Variants in TMEM192 observed in about 807,000 individuals in gnomAD.
The protein encoded by TMEM192 is transmembrane protein 192.
In TMEM192, 20 loss-of-function variants were observed where a neutral mutation model predicts 26.7. The ratio of observed to expected loss-of-function variants is 0.75; its 90% CI spans 0.53 to 1.09. The LOEUF (loss-of-function observed/expected upper bound fraction) is 1.09, where lower values mean the gene tolerates loss of function less well. Ranked by LOEUF, TMEM192 falls within the 50% of genes least tolerant of loss-of-function variation. The pLI is 0.00. For synonymous variants in TMEM192, 124 were observed against 121.0 expected, an observed-to-expected ratio of 1.02 and a Z score of -0.16; for missense variants, 304 against 322.6, an observed-to-expected ratio of 0.94 and a Z score of 0.44.
At chr4:165,089,498 T>C (rs1421011974) in intron 3 of TMEM192, among the ~76,000 whole-genome samples, 1 of 152,068 alleles carries the variant, frequency 6.6e-6, no homozygotes, top group African/African-American at 2.4e-5. Context: ...ATTTTTAAAA[T>C]ATTTTTAGTA....
chr4:165,092,267 A>G (rs10776540), intron 3 of TMEM192, among the ~76,000 whole-genome samples: 131,031 of 151,970 alleles, frequency 0.86, 57,153 homozygotes, highest in East Asian at 0.97. Context: ...GATTACTGGC[A>G]TGTGCCATCA....
rs562120456 is a variant in TMEM192, at chr4:165,073,840, T to C, written c.*5818A>G. ...CGGACACAGTACCTTTCCTTGAACTTATTCATGATACAGATTCCTTTGCTC... is the reference window on the plus strand; with the variant it reads ...CGGACACAGTACCTTTCCTTGAACTCATTCATGATACAGATTCCTTTGCTC... On this transcript the variant is annotated 3_prime_UTR_variant, in exon 6 of 6. Coordinates refer to ENST00000306480, the MANE Select transcript of TMEM192 (RefSeq NM_001100389.2). 4 of 152,318 alleles carry C rather than the reference T, an allele frequency of 2.6e-5. No homozygotes were observed. Among genetic ancestry groups the C allele is most frequent in the African/African-American group, 9.6e-5 (4 of 41,580 alleles). The allele number at this position is 152,318 out of a possible 1,614,324, so 9.4% of individuals were successfully genotyped here.
chr4:165,090,731 C>G (rs941699271), intron 3 of TMEM192, among the ~76,000 whole-genome samples: 8 of 151,438 alleles, frequency 5.3e-5, no homozygotes, highest in Non-Finnish European at 1.0e-4. Context: ...ATGGCGAAAC[C>G]CTGTCTCCAC....
chr4:165,094,375 A>G (rs1734843109), intron 3 of TMEM192, among the ~76,000 whole-genome samples: 2 of 152,208 alleles, frequency 1.3e-5, no homozygotes, highest in Admixed American at 6.6e-5. Context: ...AACCATAGAC[A>G]TAGTCTAAGT....
chr4:165,093,342 G>A (rs1302657189), intron 3 of TMEM192, among the ~76,000 whole-genome samples: 4 of 151,792 alleles, frequency 2.6e-5, no homozygotes, highest in South Asian at 2.1e-4. Context: ...TGATTCACCC[G>A]CCTCGGCCTC....
At chr4:165,101,661 C>T (rs1247039003) in intron 2 of TMEM192, among the ~76,000 whole-genome samples, 1 of 152,186 alleles carries the variant, frequency 6.6e-6, no homozygotes, top group Non-Finnish European at 1.5e-5. Flanking sequence ...GCCACCCCTG[C>T]ACATGGTGGT....
rs1257534246 is a variant in TMEM192 at position 165,077,954 on chromosome 4, C to T, written c.*1704G>A. 1.3e-4 allele frequency: 18 copies of T among 143,576 alleles called. No individual in the cohort carries two copies. In the East Asian group the frequency reaches 3.6e-3, roughly 29 times the overall value. 8.9% of individuals were successfully genotyped at this position (143,576 alleles called of 1,614,324 possible). A position where few individuals can be genotyped will look rare whatever the true frequency, so the allele number is the denominator to read the frequency against. The stretch of plus-strand genomic sequence containing the variant: ...ATCTTTTTTTTTTTTTTTTGAGAGA[C>T]AGTGTCTCATTGTTGCCCAGGCTGG... On this transcript the variant is annotated 3_prime_UTR_variant, in exon 6 of 6. Coordinates refer to ENST00000306480, the MANE Select transcript of TMEM192 (RefSeq NM_001100389.2).
chr4:165,073,902 C>T lies in TMEM192; in HGVS notation c.*5756G>A, dbSNP rs1016636767. The T allele has an allele frequency of 6.6e-6, 1 of 152,082 alleles. No individual in the cohort carries two copies. The highest frequency in any genetic ancestry group is 2.4e-5 in the African/African-American group (1 of 41,380). The allele number at this position is 152,082 out of a possible 1,614,324, so 9.4% of individuals were successfully genotyped here. A position where few individuals can be genotyped will look rare whatever the true frequency, so the allele number is the denominator to read the frequency against. ...CTGACCTTCTCCCCACCTGTTGCCC[C>T]GCTACACTCCCCTCGTCAAGATATT... On this transcript the variant is annotated 3_prime_UTR_variant, in exon 6 of 6. Transcript: ENST00000306480.
intron 1 of TMEM192, among the ~76,000 whole-genome samples, chr4:165,112,277 C>T (rs1272483846): frequency 6.6e-6 from 1 of 152,206 alleles, no homozygotes; most frequent in Non-Finnish European, 1.5e-5. Flanking sequence ...AAGTCCACAG[C>T]CTCTAGAGCC....
In TMEM192 at chr4:165,071,204, G is replaced by A. The variant is rs1055261945; in HGVS notation, c.*8454C>T. On this transcript the variant is annotated 3_prime_UTR_variant, in exon 6 of 6. Coordinates refer to ENST00000306480, the MANE Select transcript of TMEM192 (RefSeq NM_001100389.2). ...TTAATAACAAAATAGAATAATTATA[G>A]CAATATACTATAATAAAAGTTACGT... 3.3e-5 allele frequency: 5 copies of A among 152,010 alleles called. No individual in the cohort carries two copies. The Middle Eastern group carries it at 0.014, about 416-fold the overall frequency. 9.4% of individuals were successfully genotyped at this position (152,010 alleles called of 1,614,324 possible). A position where few individuals can be genotyped will look rare whatever the true frequency, so the allele number is the denominator to read the frequency against.
chr4:165,079,488 G>T lies in TMEM192; in HGVS notation c.*170C>A. The T allele has an allele frequency of 1.6e-6, 1 of 613,668 alleles. No homozygotes were observed. Among genetic ancestry groups the T allele is most frequent in the Non-Finnish European group, 2.6e-6 (1 of 379,834 alleles). 38.0% of individuals were successfully genotyped at this position (613,668 alleles called of 1,614,324 possible). On this transcript the variant is annotated 3_prime_UTR_variant, in exon 6 of 6. Coordinates refer to ENST00000306480, the MANE Select transcript of TMEM192 (RefSeq NM_001100389.2). ...CAGGTACTTTTCAAGTGACCCACAA[G>T]CCCTATATTTTAAACAGCCACAGAA...
intron 4 of TMEM192, among the ~76,000 whole-genome samples, chr4:165,086,338 G>A (rs920991172): frequency 2.0e-5 from 3 of 152,098 alleles, no homozygotes; most frequent in African/African-American, 7.2e-5. Flanking sequence ...GGGTGTGAGG[G>A]TGTATGGACA....
chr4:165,112,459 G>A (rs1392344924), intron 1 of TMEM192, among the ~76,000 whole-genome samples: 1 of 152,222 alleles, frequency 6.6e-6, no homozygotes, highest in Non-Finnish European at 1.5e-5. Context: ...CCGCACGTGG[G>A]CTGGGCGCCA....
At chr4:165,088,651 T>C (rs1734682646) in intron 3 of TMEM192, 49 bp from the exon 4 acceptor site, 2 of 1,553,404 alleles carry the variant, frequency 1.3e-6, no homozygotes, top group Non-Finnish European at 1.7e-6. Context: ...AATACATATA[T>C]GGTCTTTGTC....
In TMEM192 at chr4:165,085,602, A is replaced by T; in HGVS notation, c.661T>A (p.Ser221Thr). 1 of 1,610,642 alleles carries T rather than the reference A, an allele frequency of 6.2e-7. No homozygotes were observed. Among genetic ancestry groups the T allele is most frequent in the Non-Finnish European group, 8.5e-7 (1 of 1,178,608 alleles). Residue 221 changes from serine to threonine, a missense_variant, in exon 5 of 6, where the codon TCG becomes ACG. Coordinates refer to ENST00000306480, the MANE Select transcript of TMEM192 (RefSeq NM_001100389.2). The part of the protein sequence containing the change: ...KIYAYPSNIT[S>T]ETGFRTISSL... ...AAATCTTACCTGAATCCAGTCTCCG[A>T]GGTAATATTGCTGGGGTAAGCATAG...
intron 4 of TMEM192, 101 bp downstream of exon 4, chr4:165,088,367 T>A: frequency 1.6e-6 from 2 of 1,221,206 alleles, no homozygotes; most frequent in Non-Finnish European, 2.3e-6. Context: ...ACCACTCAGA[T>A]ACACAGAGAA....
Position 165,079,443 on chromosome 4 carries a change from TCAAGTTATCCGGG to T in TMEM192, c.*202_*214del. The stretch of plus-strand genomic sequence containing the variant: ...CCAAAAGTACAAACAGACATTCCCC[TCAAGTTATCCGGG>T]CTTCTACAGGTACTTTTCAAGTGAC... On this transcript the variant is annotated 3_prime_UTR_variant, in exon 6 of 6. Coordinates refer to ENST00000306480, the MANE Select transcript of TMEM192 (RefSeq NM_001100389.2). 1 of 463,748 alleles carries T rather than the reference TCAAGTTATCCGGG, an allele frequency of 2.2e-6. No individual in the cohort carries two copies. The highest frequency in any genetic ancestry group is 3.8e-6 in the Non-Finnish European group (1 of 266,282). 28.7% of individuals were successfully genotyped at this position (463,748 alleles called of 1,614,324 possible).
At chr4:165,090,563 A>G (rs1734735102) in intron 3 of TMEM192, among the ~76,000 whole-genome samples, 1 of 151,980 alleles carries the variant, frequency 6.6e-6, no homozygotes, top group East Asian at 1.9e-4. Context: ...ATAAAACATA[A>G]AAGTGTTTCC....
In TMEM192 at chr4:165,079,542, A is replaced by G; in HGVS notation, c.*116T>C. On this transcript the variant is annotated 3_prime_UTR_variant, in exon 6 of 6. Transcript: ENST00000306480. ...AGAACCAAATTCAGGTTTCCAACAA[A>G]CACTGTAAAATGCTATTCAGCAAAA... 1 of 1,226,900 alleles carries G rather than the reference A, an allele frequency of 8.2e-7. No homozygotes were observed. Among genetic ancestry groups the G allele is most frequent in the Non-Finnish European group, 1.1e-6 (1 of 912,722 alleles). 76.0% of individuals were successfully genotyped at this position (1,226,900 alleles called of 1,614,324 possible). A position where few individuals can be genotyped will look rare whatever the true frequency, so the allele number is the denominator to read the frequency against.
Sources: allele counts gnomAD v4.1 joint callset (sites outside exome capture counted in the v4.1 genomes callset), GRCh38; gene constraint gnomAD v4.1.1; transcripts MANE v1.5; gene names NCBI Gene and HGNC (gene_info 2026-07-23, HGNC 2026-07-21).